The following WDFY4 variants were observed in gnomAD, a reference collection of about 807,000 sequenced individuals.
WDFY4 encodes the protein WDFY family member 4.
Under a neutral mutation model 351.9 loss-of-function variants are expected in WDFY4, and 169 were observed. The ratio of observed to expected loss-of-function variants is 0.48; its 90% CI spans 0.42 to 0.55. WDFY4 has a LOEUF of 0.55. Among genes scored for constraint, WDFY4 ranks in the 20% least tolerant of loss-of-function variants. The probability of loss-of-function intolerance (pLI) is 0.00; values close to 1 mark genes in which losing one functional copy is unlikely to be tolerated. For synonymous variants in WDFY4, 1,622 were observed against 1,574.6 expected (o/e 1.03, Z -0.71); for missense variants, 3,803 against 3,935.6 (o/e 0.97, Z 0.90).
In WDFY4 at chr10:48,751,576, G is replaced by A. The variant is rs116261138; in HGVS notation, c.2459+8028G>A. ...GTGTGAGAGAGACTGGTTGGTGCTA[G>A]TCCCTGAGAGAGAAGCCCTAGAGTT... On this transcript the variant is annotated intron_variant, in intron 12 of 61. Coordinates refer to ENST00000325239, the MANE Select transcript of WDFY4 (RefSeq NM_001394531.1). Among the ~76,000 whole-genome samples, 431 of 152,286 alleles carry A rather than the reference G, an allele frequency of 2.8e-3. 3 individuals carry two copies. Among genetic ancestry groups the A allele is most frequent in the African/African-American group, 9.7e-3 (403 of 41,564 alleles).
intron 43 of WDFY4, 125 bp from the exon 44 acceptor site, chr10:48,890,454 C>T: frequency 8.6e-7 from 1 of 1,161,428 alleles, no homozygotes; most frequent in East Asian, 2.6e-5. Context: ...GACTGCCATT[C>T]ATACAAGGCA....
At chr10:48,701,795 C>T (rs2063487541) in intron 1 of WDFY4, among the ~76,000 whole-genome samples, 2 of 152,164 alleles carry the variant, frequency 1.3e-5, no homozygotes, top group South Asian at 4.1e-4. Flanking sequence ...CTACTGTTTA[C>T]CACCTCGTGG....
intron 1 of WDFY4, among the ~76,000 whole-genome samples, chr10:48,706,384 A>T (rs1262600047): frequency 2.6e-5 from 4 of 152,194 alleles, no homozygotes; most frequent in African/African-American, 7.2e-5. Flanking sequence ...ATGAGAACTC[A>T]CTGGAGTCTG....
At chr10:48,702,238 A>G (rs745472733) in intron 1 of WDFY4, among the ~76,000 whole-genome samples, 3 of 152,106 alleles carry the variant, frequency 2.0e-5, no homozygotes, top group Non-Finnish European at 4.4e-5. Context: ...GCTGCTGAAA[A>G]GAGCCTCAGA....
chr10:48,767,784 C>G (rs187861643), intron 13 of WDFY4, among the ~76,000 whole-genome samples: 1 of 152,242 alleles, frequency 6.6e-6, no homozygotes, highest in African/African-American at 2.4e-5. Context: ...AGGGCAAGGT[C>G]AGTAATAGTC....
In WDFY4 at chr10:48,805,361, C is replaced by G. The variant is rs7903289; in HGVS notation, c.4586C>G (p.Thr1529Ser). The change falls in exon 26 of 62, where the codon ACC becomes AGC. Residue 1529 changes from threonine (T) to serine (S), a missense_variant. By Grantham distance (58) the Thr-to-Ser change is moderately conservative (BLOSUM62 1). This residue lies in a region of WDFY4 where 3,054 missense variants were observed against 3,148.6 expected (regional missense o/e 0.97). Coordinates refer to ENST00000325239, the MANE Select transcript of WDFY4 (RefSeq NM_001394531.1). ...EPSLIPSKIS[T>S]IIGILACQLR... ...AGCCTCATCCCCTCCAAGATCTCCA[C>G]CATCATTGGCATCCTGGCCTGTCAG... 6.0e-4 allele frequency: 930 copies of G among 1,549,668 alleles called. 7 individuals are homozygous for G. In the African/African-American group the frequency reaches 0.012, roughly 20 times the overall value.
intron 39 of WDFY4, among the ~76,000 whole-genome samples, chr10:48,836,060 GTGAGA>G (rs2068379574): frequency 6.6e-6 from 1 of 152,192 alleles, no homozygotes; most frequent in African/African-American, 2.4e-5. Flanking sequence ...ACTCAACTCT[GTGAGA>G]TGCCTTTGTC....
intron 32 of WDFY4, 90 bp downstream of exon 32, chr10:48,817,499 TA>T (rs1269825249): frequency 1.4e-5 from 20 of 1,389,300 alleles, no homozygotes; most frequent in Non-Finnish European, 1.9e-5. Context: ...CCCTCCCCCC[TA>T]AAATTAAAAT....
chr10:48,966,938 C>G, intron 55 of WDFY4: 1 of 470,546 alleles, frequency 2.1e-6, no homozygotes, highest in East Asian at 3.6e-5. Flanking sequence ...CACACACAGA[C>G]ACCTCTTTCA....
intron 7 of WDFY4, 137 bp downstream of exon 7, chr10:48,727,796 A>T (rs913460444): frequency 1.8e-6 from 2 of 1,137,150 alleles, no homozygotes; most frequent in Non-Finnish European, 2.4e-6. Flanking sequence ...TGCAAAAGTG[A>T]TTCATTGTGC....
intron 47 of WDFY4, among the ~76,000 whole-genome samples, chr10:48,902,231 G>T (rs929253120): frequency 1.3e-5 from 2 of 152,250 alleles, no homozygotes; most frequent in African/African-American, 4.8e-5. Flanking sequence ...CTGTGATGAG[G>T]GTTTCTGAAC....
At chr10:48,698,178 C>T (rs1589406844) in intron 1 of WDFY4, among the ~76,000 whole-genome samples, 1 of 152,318 alleles carries the variant, frequency 6.6e-6, no homozygotes, top group East Asian at 1.9e-4. Flanking sequence ...TTCTGAGATT[C>T]CACAGCTCAT....
chr10:48,687,651 G>T (rs1589384206), intron 1 of WDFY4, among the ~76,000 whole-genome samples: 1 of 118,550 alleles, frequency 8.4e-6, no homozygotes, highest in Non-Finnish European at 1.6e-5. Flanking sequence ...GTCTTGCTCT[G>T]TCACCCAGGC....
At chr10:48,957,089 C>T in intron 51 of WDFY4, 40 bp from the exon 52 acceptor site, 1 of 1,536,290 alleles carries the variant, frequency 6.5e-7, no homozygotes, top group Non-Finnish European at 8.8e-7. Flanking sequence ...AGGAGGGTGC[C>T]AGTGAGAGCG....
At chr10:48,694,152 C>G (rs3923678) in intron 1 of WDFY4, among the ~76,000 whole-genome samples, 1 of 152,174 alleles carries the variant, frequency 6.6e-6, no homozygotes, top group South Asian at 2.1e-4. Flanking sequence ...TACCTTAGCA[C>G]GTGAGATATA....
At chr10:48,797,561 CTT>C (rs780520955) in intron 24 of WDFY4, among the ~76,000 whole-genome samples, 6 of 151,978 alleles carry the variant, frequency 3.9e-5, no homozygotes, top group African/African-American at 1.2e-4. Flanking sequence ...TGAGTCTAGT[CTT>C]TGCTCACATA....
chr10:48,795,491 G>GTATATATATATATA (rs60705301), intron 23 of WDFY4, among the ~76,000 whole-genome samples: 10 of 101,226 alleles, frequency 9.9e-5, no homozygotes, highest in Admixed American at 2.0e-4. Context: ...GTGTGTGTCT[G>GTATATATATATATA]TATATATATA....
chr10:48,852,536 G>C (rs1197239967), intron 39 of WDFY4, among the ~76,000 whole-genome samples: 1 of 152,186 alleles, frequency 6.6e-6, no homozygotes, highest in Non-Finnish European at 1.5e-5. Flanking sequence ...CTCTGGGTCT[G>C]TTCCCTGTTC....
chr10:48,755,501 A>C (rs1473804452), intron 12 of WDFY4, among the ~76,000 whole-genome samples: 7 of 152,280 alleles, frequency 4.6e-5, no homozygotes, highest in African/African-American at 1.7e-4. Flanking sequence ...ACAGGTCTGT[A>C]ATCTGTTTTG....
Sources: gnomAD v4.1 joint callset for allele counts (sites outside exome capture counted in the v4.1 genomes callset) on GRCh38, gnomAD v4.1.1 for gene constraint, gnomAD v4.1.1 regional missense constraint, MANE v1.5 for transcripts, NCBI Gene and HGNC (gene_info 2026-07-23, HGNC 2026-07-21) for gene names.